The following SLFN11 variants were observed in gnomAD, a reference collection of about 807,000 sequenced individuals.
SLFN11 encodes the protein schlafen family member 11.
In SLFN11, 43 loss-of-function variants were observed where a neutral mutation model predicts 53.4. The observed-to-expected ratio is 0.80, with a 90% CI of 0.63 to 1.04. SLFN11 has a LOEUF of 1.04. SLFN11 is among the 50% of genes least tolerant of loss of function. The pLI is 0.00. For missense variants in SLFN11, 990 were observed against 1,079.1 expected (o/e 0.92, Z 1.16); for synonymous variants, 389 against 394.7 (o/e 0.99, Z 0.17).
chr17:35,357,145 T>C (rs1418821303), intron 5 of SLFN11, among the ~76,000 whole-genome samples: 4 of 139,706 alleles, frequency 2.9e-5, no homozygotes, highest in African/African-American at 7.7e-5. Flanking sequence ...TGTGCGTGTG[T>C]GTGTGTGTGT....
intron 1 of SLFN11, among the ~76,000 whole-genome samples, chr17:35,367,972 G>T (rs1231722683): frequency 6.6e-6 from 1 of 152,018 alleles, no homozygotes; most frequent in African/African-American, 2.4e-5. Flanking sequence ...CCAAGCGAGG[G>T]GCTCAGTGGG....
intron 1 of SLFN11, among the ~76,000 whole-genome samples, chr17:35,371,894 T>G (rs528784476): frequency 6.6e-5 from 10 of 152,180 alleles, no homozygotes; most frequent in Admixed American, 3.3e-4. Flanking sequence ...AGTACAACTA[T>G]TATGGAGAAC....
In SLFN11 at chr17:35,366,999, G is replaced by C. The variant is rs560529207; in HGVS notation, c.-72C>G. The C allele has an allele frequency of 6.6e-6, 1 of 151,112 alleles. No homozygotes were observed. Among genetic ancestry groups the C allele is most frequent in the African/African-American group, 2.4e-5 (1 of 41,086 alleles). 9.4% of individuals were successfully genotyped at this position (151,112 alleles called of 1,614,324 possible). A position where few individuals can be genotyped will look rare whatever the true frequency, so the allele number is the denominator to read the frequency against. Reference sequence around the variant, plus strand: ...AGGTGAGAGAATCACCTGAGCCTTCGAGACGAGATTGTGGTGAACCAAGAT... The same window carrying C: ...AGGTGAGAGAATCACCTGAGCCTTCCAGACGAGATTGTGGTGAACCAAGAT... On this transcript the variant is annotated 5_prime_UTR_variant, in exon 3 of 7. Coordinates refer to ENST00000685675, the MANE Select transcript of SLFN11 (RefSeq NM_001376007.1).
Position 35,352,569 on chromosome 17 carries a change from C to T in SLFN11, c.2493G>A (p.Arg831=). The T allele has an allele frequency of 1.2e-6, 2 of 1,614,204 alleles. No homozygotes were observed. The highest frequency in any genetic ancestry group is 1.7e-6 in the Non-Finnish European group (2 of 1,180,028). ...HYKYELLKAM[R]KKRVVQLSDA... ...CACTGAGCTGCACCACCCTTTTCTT[C>T]CTCATTGCTTTCAAGAGCTCATACT... The change falls in exon 7 of 7, where the codon AGG becomes AGA. Residue 831 remains arginine (R), a synonymous_variant. Transcript: ENST00000685675.
rs938528013 is a variant in SLFN11, at chr17:35,363,749, T to C, written c.59A>G (p.Asn20Ser). 1.2e-6 allele frequency: 2 copies of C among 1,612,444 alleles called. No individual in the cohort carries two copies. Among genetic ancestry groups the C allele is most frequent in the Non-Finnish European group, 8.5e-7 (1 of 1,179,084 alleles). Residue 20 changes from asparagine (N) to serine (S), a missense_variant, in exon 4 of 7, where the codon AAT becomes AGT. Coordinates refer to ENST00000685675, the MANE Select transcript of SLFN11 (RefSeq NM_001376007.1). ...VEPSYPDLVI[N>S]VGEVTLGEEN... Reference sequence around the variant, plus strand: ...TTCTCCAAGAGTCACTTCTCCTACATTGATGACCAGGTCTGGGTAAGATGG... The same window carrying C: ...TTCTCCAAGAGTCACTTCTCCTACACTGATGACCAGGTCTGGGTAAGATGG...
chr17:35,357,688 C>T (rs1446601471), intron 5 of SLFN11, among the ~76,000 whole-genome samples: 1 of 142,056 alleles, frequency 7.0e-6, no homozygotes, highest in Non-Finnish European at 1.5e-5. Context: ...CAATACAACT[C>T]TTTTTATTAT....
At chr17:35,360,660 T>C (rs911251465) in intron 4 of SLFN11, among the ~76,000 whole-genome samples, 1 of 152,162 alleles carries the variant, frequency 6.6e-6, no homozygotes, top group Non-Finnish European at 1.5e-5. Flanking sequence ...CCTGTTACGT[T>C]ACCTAGCTCA....
At chr17:35,372,454 T>C (rs1170372449) in intron 1 of SLFN11, among the ~76,000 whole-genome samples, 1 of 152,086 alleles carries the variant, frequency 6.6e-6, no homozygotes, top group Non-Finnish European at 1.5e-5. Context: ...ACTTAAAGAA[T>C]GTAACTGGAT....
Position 35,360,374 on chromosome 17 carries a change from T to C in SLFN11, c.1070-3A>G. The C allele has an allele frequency of 1.3e-6, 2 of 1,595,804 alleles. No homozygotes were observed. The highest frequency in any genetic ancestry group is 1.1e-5 in the South Asian group (1 of 87,152). Reference sequence around the variant, plus strand: ...ATCTTCAGACAACTGTAGAAGATCTTAAGAAAGAAAATTCATGTTATTCTG... The same window carrying C: ...ATCTTCAGACAACTGTAGAAGATCTCAAGAAAGAAAATTCATGTTATTCTG... On this transcript the variant is annotated splice_polypyrimidine_tract_variant and splice_region_variant and intron_variant, in intron 4 of 6. Coordinates refer to ENST00000685675, the MANE Select transcript of SLFN11 (RefSeq NM_001376007.1).
rs1381766362 is a variant in SLFN11 at position 35,351,584 on chromosome 17, T to C, written c.*772A>G. 2 of 152,240 alleles carry C rather than the reference T, an allele frequency of 1.3e-5. No homozygotes were observed. Among genetic ancestry groups the C allele is most frequent in the South Asian group, 2.1e-4 (1 of 4,834 alleles). The allele number at this position is 152,240 out of a possible 1,614,324, so 9.4% of individuals were successfully genotyped here. ...CAAGTCTGGTTCACCTTAGGGCTGA[T>C]ACACACCTTCAGAACCAGATTTTGG... On this transcript the variant is annotated 3_prime_UTR_variant, in exon 7 of 7. Coordinates refer to ENST00000685675, the MANE Select transcript of SLFN11 (RefSeq NM_001376007.1).
rs1414868286 is a variant in SLFN11, at chr17:35,352,824, T to C, written c.2238A>G (p.Gln746=). 2 of 1,614,220 alleles carry C rather than the reference T, an allele frequency of 1.2e-6. No homozygotes were observed. The highest frequency in any genetic ancestry group is 2.2e-5 in the South Asian group (2 of 91,082). The change falls in exon 7 of 7, where the codon CAA becomes CAG. Residue 746 remains glutamine, a synonymous_variant. Transcript: ENST00000685675. ...PIAKYLQKEM[Q]VIRSNPSFNI... ...TAAATGAAGGATTACTTCTAATTAC[T>C]TGCATTTCTTTTTGTAAGTACTTGG...
rs534026282 is a variant in SLFN11, at chr17:35,360,423, A to C, written c.1070-52T>G. Reference sequence around the variant, plus strand: ...TGACGTGTTAATCTCTTCATACTGAAAGAGGCTCTATCAGTAGGTGGAATG... The same window carrying C: ...TGACGTGTTAATCTCTTCATACTGACAGAGGCTCTATCAGTAGGTGGAATG... On this transcript the variant is annotated intron_variant, in intron 4 of 6. Transcript: ENST00000685675. 2.9e-5 allele frequency: 43 copies of C among 1,489,370 alleles called. No individual in the cohort carries two copies. In the African/African-American group the frequency reaches 5.6e-4, roughly 19 times the overall value. The allele number at this position is 1,489,370 out of a possible 1,614,324, so 92.3% of individuals were successfully genotyped here.
chr17:35,358,555 T>C (rs995472327), intron 5 of SLFN11, among the ~76,000 whole-genome samples: 2 of 151,796 alleles, frequency 1.3e-5, no homozygotes. Flanking sequence ...CATGTAAATA[T>C]ATATATAATG....
chr17:35,366,330 T>C (rs1458775990), intron 3 of SLFN11, among the ~76,000 whole-genome samples: 1 of 152,086 alleles, frequency 6.6e-6, no homozygotes, highest in Non-Finnish European at 1.5e-5. Context: ...AGATTAAGAA[T>C]TGTTCAAAAA....
chr17:35,371,704 T>C (rs57344583), intron 1 of SLFN11, among the ~76,000 whole-genome samples: 8,505 of 151,976 alleles, frequency 0.056, 612 homozygotes, highest in East Asian at 0.36. Context: ...AAATGGCAAA[T>C]AGGCATGTGA....
chr17:35,353,443 C>T lies in SLFN11; in HGVS notation c.1815G>A (p.Lys605=). ...CCATGATCTTCATGGCCATGATGGT[C>T]TTCCCTGAGCCAGGTAAGCCGTGGA... The part of the protein sequence containing the change: ...LFVHGLPGSG[K]TIMAMKIMEK... Residue 605 remains lysine (K), a synonymous_variant, in exon 6 of 7, where the codon AAG becomes AAA. Transcript: ENST00000685675. 1 of 1,604,882 alleles carries T rather than the reference C, an allele frequency of 6.2e-7. No individual in the cohort carries two copies. Among genetic ancestry groups the T allele is most frequent in the East Asian group, 2.2e-5 (1 of 44,662 alleles).
At chr17:35,368,337 G>A (rs1416586972) in intron 1 of SLFN11, among the ~76,000 whole-genome samples, 1 of 152,090 alleles carries the variant, frequency 6.6e-6, no homozygotes, top group African/African-American at 2.4e-5. Flanking sequence ...GGGGAAGGGA[G>A]GGCACAGCAA....
At chr17:35,358,541 T>G (rs1002615074) in intron 5 of SLFN11, among the ~76,000 whole-genome samples, 7 of 151,626 alleles carry the variant, frequency 4.6e-5, no homozygotes. Flanking sequence ...TGGACATATA[T>G]ATACATGTAA....
At chr17:35,358,785 G>GTTTTCC (rs537404157) in intron 5 of SLFN11, among the ~76,000 whole-genome samples, 3 of 152,058 alleles carry the variant, frequency 2.0e-5, no homozygotes, top group Admixed American at 6.6e-5. Flanking sequence ...ATTAATCTGA[G>GTTTTCC]TTTTCCTTTT....
Sources: gnomAD v4.1 joint callset for allele counts (sites outside exome capture counted in the v4.1 genomes callset) on GRCh38, gnomAD v4.1.1 for gene constraint, MANE v1.5 for transcripts, NCBI Gene and HGNC (gene_info 2026-07-23, HGNC 2026-07-21) for gene names.